Variants in IP6K1 observed in about 807,000 individuals in gnomAD.
The protein encoded by IP6K1 is inositol hexakisphosphate kinase 1, also known as ATP:1D-myo-inositol-hexakisphosphate phosphotransferase.
A neutral mutation model predicts 38.3 loss-of-function variants in IP6K1; 13 were observed. The observed-to-expected ratio is 0.34, with a 90% CI of 0.22 to 0.54. The LOEUF (loss-of-function observed/expected upper bound fraction) is 0.54. Among genes scored for constraint, IP6K1 ranks in the 20% least tolerant of loss-of-function variants. The probability of loss-of-function intolerance (pLI) is 0.92; values close to 1 mark genes in which losing one functional copy is unlikely to be tolerated. For missense variants in IP6K1, 397 were observed against 599.8 expected, an observed-to-expected ratio of 0.66 and a Z score of 3.53; for synonymous variants, 212 against 229.9, an observed-to-expected ratio of 0.92 and a Z score of 0.70.
intron 1 of IP6K1, chr3:49,785,480 T>C (rs2081105305): frequency 6.6e-6 from 1 of 152,050 alleles, no homozygotes; most frequent in African/African-American, 2.4e-5. Context: ...CACTCCGGCC[T>C]GGGCAACAGA....
intron 5 of IP6K1, 85 bp downstream of exon 5, chr3:49,728,018 C>A: frequency 2.9e-6 from 4 of 1,385,482 alleles, no homozygotes; most frequent in East Asian, 2.3e-5. Context: ...CAGGAGGACA[C>A]ACTTGGCATA....
At chr3:49,768,769 C>CAA (rs773528766) in intron 1 of IP6K1, among the ~76,000 whole-genome samples, 42 of 149,052 alleles carry the variant, frequency 2.8e-4, no homozygotes, top group South Asian at 6.3e-4. Flanking sequence ...GACTGAGTCT[C>CAA]AAAAATAAAA....
Position 49,750,657 on chromosome 3 carries a change from G to A in IP6K1, c.-128-2489C>T, listed in dbSNP as rs141641925. On this transcript the variant is annotated intron_variant, in intron 1 of 5. Coordinates refer to ENST00000321599, the MANE Select transcript of IP6K1 (RefSeq NM_153273.4). ...AGAGGTTTCAGTGAGCCGAGATTGC[G>A]CCACTGCACTCCAGCCTGGGCGACA... is the stretch of plus-strand genomic sequence containing the variant. Among the ~76,000 whole-genome samples the A allele has an allele frequency of 6.6e-3, 1,002 of 151,814 alleles. 17 individuals carry two copies. Among genetic ancestry groups the A allele is most frequent in the African/African-American group, 0.023 (952 of 41,388 alleles).
chr3:49,752,596 C>T (rs905672335), intron 1 of IP6K1, among the ~76,000 whole-genome samples: 3 of 151,796 alleles, frequency 2.0e-5, no homozygotes, highest in African/African-American at 7.3e-5. Context: ...AATCTCGGCT[C>T]ACCTCAATCT....
At chr3:49,739,827 C>T (rs1405302634) in intron 2 of IP6K1, among the ~76,000 whole-genome samples, 2 of 151,752 alleles carry the variant, frequency 1.3e-5, no homozygotes, top group Admixed American at 6.6e-5. Context: ...CCAGCCTGGC[C>T]AACATGTCGA....
intron 1 of IP6K1, chr3:49,758,415 T>C (rs944410294): frequency 6.6e-6 from 1 of 150,868 alleles, no homozygotes; most frequent in Non-Finnish European, 1.5e-5. Context: ...CATCCACTTC[T>C]CCATCAGCCA....
At position 49,727,073 on chromosome 3, in the gene IP6K1, T is replaced by G; in HGVS notation, c.*49A>C. 1.3e-6 allele frequency: 2 copies of G among 1,506,744 alleles called. No homozygotes were observed. Among genetic ancestry groups the G allele is most frequent in the African/African-American group, 2.8e-5 (2 of 72,022 alleles). 93.3% of individuals were successfully genotyped at this position (1,506,744 alleles called of 1,614,324 possible). ...CCTCACGGCAAGTTCAGAACAATGG[T>G]CCCTGCCTGCAGTGGAGAGGAAGGG... On this transcript the variant is annotated 3_prime_UTR_variant, in exon 6 of 6. Coordinates refer to ENST00000321599, the MANE Select transcript of IP6K1 (RefSeq NM_153273.4). The surrounding 1 kb of genome is among the most constrained non-coding windows in gnomAD (Gnocchi z 5.9).
intron 1 of IP6K1, among the ~76,000 whole-genome samples, chr3:49,755,365 T>C (rs936271147): frequency 1.4e-4 from 21 of 152,170 alleles, no homozygotes; most frequent in Non-Finnish European, 3.1e-4. Flanking sequence ...CTATTACCTC[T>C]TCTAAAATTA....
chr3:49,772,465 C>T (rs771831275), intron 1 of IP6K1, among the ~76,000 whole-genome samples: 31 of 151,668 alleles, frequency 2.0e-4, no homozygotes, highest in Non-Finnish European at 3.2e-4. Context: ...TGCAGTGGCA[C>T]GATCATGATT....
At chr3:49,730,954 C>T (rs760217322) in intron 4 of IP6K1, among the ~76,000 whole-genome samples, 6 of 152,060 alleles carry the variant, frequency 3.9e-5, no homozygotes, top group Non-Finnish European at 7.4e-5. Flanking sequence ...GGTGATCTGC[C>T]GGCCTCGGCC....
intron 1 of IP6K1, among the ~76,000 whole-genome samples, chr3:49,756,035 A>C (rs898299683): frequency 2.0e-5 from 3 of 152,176 alleles, no homozygotes; most frequent in Non-Finnish European, 4.4e-5. Context: ...GCTACTAGGG[A>C]CTGGCACATC....
intron 1 of IP6K1, among the ~76,000 whole-genome samples, chr3:49,765,284 A>G (rs1254278058): frequency 6.6e-6 from 1 of 152,126 alleles, no homozygotes; most frequent in Non-Finnish European, 1.5e-5. Flanking sequence ...GACACCAGAC[A>G]GTAGCTAAAA....
At chr3:49,758,002 A>G (rs1190369968) in intron 1 of IP6K1, among the ~76,000 whole-genome samples, 2 of 151,986 alleles carry the variant, frequency 1.3e-5, no homozygotes, top group Non-Finnish European at 2.9e-5. Context: ...TTTATTTAGG[A>G]CCCCCTATCA....
At chr3:49,734,394 CTTTTTTT>C (rs71735078) in intron 3 of IP6K1, among the ~76,000 whole-genome samples, 14 of 87,250 alleles carry the variant, frequency 1.6e-4, no homozygotes, top group African/African-American at 4.6e-4. Context: ...ACCGTAATTT[CTTTTTTT>C]TTTTTTTTTT....
intron 2 of IP6K1, among the ~76,000 whole-genome samples, chr3:49,745,245 G>C (rs1427155290): frequency 6.6e-6 from 1 of 152,224 alleles, no homozygotes; most frequent in Non-Finnish European, 1.5e-5. Context: ...TATAATATAG[G>C]ATGATCAGGG....
intron 1 of IP6K1, among the ~76,000 whole-genome samples, chr3:49,752,021 C>T (rs2080781247): frequency 6.6e-6 from 1 of 151,988 alleles, no homozygotes; most frequent in African/African-American, 2.4e-5. Context: ...TTGTTGTTTT[C>T]CTTTTTAGAG....
intron 3 of IP6K1, among the ~76,000 whole-genome samples, chr3:49,735,397 C>A (rs1474556441): frequency 1.3e-5 from 2 of 152,172 alleles, no homozygotes; most frequent in Non-Finnish European, 2.9e-5. Context: ...CCCTAAAGCG[C>A]TGTTCAGAGA....
At chr3:49,751,218 C>T (rs181201893) in intron 1 of IP6K1, among the ~76,000 whole-genome samples, 2 of 151,956 alleles carry the variant, frequency 1.3e-5, no homozygotes, top group Admixed American at 6.6e-5. Context: ...TGCAGTGGCG[C>T]GATCTCGGCT....
chr3:49,785,198 A>C (rs2081100687), intron 1 of IP6K1, among the ~76,000 whole-genome samples: 1 of 152,164 alleles, frequency 6.6e-6, no homozygotes, highest in African/African-American at 2.4e-5. Flanking sequence ...TGAGCAAGAT[A>C]ATTTTAGTAC....
Sources: gnomAD v4.1 joint callset for allele counts (sites outside exome capture counted in the v4.1 genomes callset) on GRCh38, gnomAD v4.1.1 for gene constraint, Gnocchi (gnomAD v3.1) non-coding constraint, MANE v1.5 for transcripts, NCBI Gene and HGNC (gene_info 2026-07-23, HGNC 2026-07-21) for gene names.